Variants in KIRREL3 observed in about 807,000 individuals in gnomAD.
KIRREL3 encodes kin of IRRE-like protein 3.
KIRREL3 carries 36 observed loss-of-function variants against 89.7 expected under a neutral mutation model. The ratio of observed to expected loss-of-function variants is 0.40; its 90% CI spans 0.31 to 0.53. The LOEUF (loss-of-function observed/expected upper bound fraction) is 0.53, where lower values mean the gene tolerates loss of function less well. Among genes scored for constraint, KIRREL3 ranks in the 20% least tolerant of loss-of-function variants. The pLI is 0.49. For missense variants in KIRREL3, 864 were observed against 1,056.6 expected, an observed-to-expected ratio of 0.82 and a Z score of 2.53; for synonymous variants, 445 against 441.4, an observed-to-expected ratio of 1.01 and a Z score of -0.10.
rs1329669232 is a variant in KIRREL3, at chr11:126,574,053, G to T, written c.56-11141C>A. On this transcript the variant is annotated intron_variant, in intron 1 of 16. Coordinates refer to ENST00000525144, the MANE Select transcript of KIRREL3 (RefSeq NM_032531.4). The surrounding 1 kb of genome is among the most constrained non-coding windows in gnomAD (Gnocchi z 5.3). ...AGCCCCTTACAGGCCCCAGACAAGG[G>T]GCTTCATTCTGAGGGACTAGAACAT... Among the ~76,000 whole-genome samples the T allele has an allele frequency of 6.6e-6, 1 of 152,190 alleles. No homozygotes were observed. The highest frequency in any genetic ancestry group is 1.5e-5 in the Non-Finnish European group (1 of 68,026).
At position 126,747,297 on chromosome 11, in the gene KIRREL3, G is replaced by T. The variant is rs1949185305; in HGVS notation, c.56-184385C>A. 4.6e-5 allele frequency among the ~76,000 whole-genome samples: 7 copies of T among 152,212 alleles called. No homozygotes were observed. The highest frequency in any genetic ancestry group is 4.6e-4 in the Admixed American group (7 of 15,290). On this transcript the variant is annotated intron_variant, in intron 1 of 16. Coordinates refer to ENST00000525144, the MANE Select transcript of KIRREL3 (RefSeq NM_032531.4). This position sits in a 1 kb window ranked among gnomAD's most constrained non-coding sequence, Gnocchi z 4.7. ...ATACTTACAAAGGCTGTTGTATGAG[G>T]ATTAAATAAAATACTGGGGATAGAG...
At position 126,473,302 on chromosome 11, in the gene KIRREL3, G is replaced by A; in HGVS notation, c.591+7C>T. ...TCCACACCCACCCCCTCCCCTCCAG[G>A]CCTCACCTTGGAGTAGGTGGCCCCA... On this transcript the variant is annotated splice_region_variant and intron_variant, in intron 5 of 16. Coordinates refer to ENST00000525144, the MANE Select transcript of KIRREL3 (RefSeq NM_032531.4). The A allele has an allele frequency of 8.8e-7, 1 of 1,140,604 alleles. No individual in the cohort carries two copies. The highest frequency in any genetic ancestry group is 1.6e-5 in the South Asian group (1 of 60,976). The allele number at this position is 1,140,604 out of a possible 1,614,324, so 70.7% of individuals were successfully genotyped here. A position where few individuals can be genotyped will look rare whatever the true frequency, so the allele number is the denominator to read the frequency against.
chr11:126,941,504 A>T (rs1948443944), intron 1 of KIRREL3, among the ~76,000 whole-genome samples: 1 of 152,192 alleles, frequency 6.6e-6, no homozygotes. Flanking sequence ...TCACCAGGTG[A>T]TTCTCAGGCA....
At chr11:126,613,865 C>G (rs1362004780) in intron 1 of KIRREL3, among the ~76,000 whole-genome samples, 7 of 101,494 alleles carry the variant, frequency 6.9e-5, no homozygotes, top group African/African-American at 2.5e-4. Flanking sequence ...AATGTTAATA[C>G]TGTTGCTTTT....
At chr11:126,875,992 T>G (rs1016083161) in intron 1 of KIRREL3, among the ~76,000 whole-genome samples, 2 of 152,126 alleles carry the variant, frequency 1.3e-5, no homozygotes, top group Non-Finnish European at 1.5e-5. Flanking sequence ...AAATTGAATC[T>G]CGGGTTCCCT....
intron 1 of KIRREL3, among the ~76,000 whole-genome samples, chr11:126,784,803 G>C (rs989965740): frequency 1.1e-4 from 16 of 152,302 alleles, no homozygotes; most frequent in African/African-American, 3.4e-4. Context: ...ATTTTACTTA[G>C]CGCTTGTCCT....
rs547719356 is a variant in KIRREL3 at position 126,985,016 on chromosome 11, C to A, written c.55+15439G>T. ...TTTAAAGGCAGGATAAGAGTTGATT[C>A]AGGGAGGAAGACCATAATTAATGTG... On this transcript the variant is annotated intron_variant, in intron 1 of 16. Coordinates refer to ENST00000525144, the MANE Select transcript of KIRREL3 (RefSeq NM_032531.4). This position sits in a 1 kb window ranked among gnomAD's most constrained non-coding sequence, Gnocchi z 5.3. 2.0e-5 allele frequency among the ~76,000 whole-genome samples: 3 copies of A among 152,246 alleles called. No individual in the cohort carries two copies. Among genetic ancestry groups the A allele is most frequent in the African/African-American group, 7.2e-5 (3 of 41,528 alleles).
chr11:126,446,972 C>T, intron 8 of KIRREL3, 86 bp from the exon 9 acceptor site: 1 of 1,504,616 alleles, frequency 6.6e-7, no homozygotes, highest in Non-Finnish European at 9.0e-7. Flanking sequence ...TCCCCCTAGA[C>T]CTTGACTGGG....
intron 1 of KIRREL3, among the ~76,000 whole-genome samples, chr11:126,840,295 A>G (rs1264531898): frequency 6.6e-6 from 1 of 152,190 alleles, no homozygotes; most frequent in Non-Finnish European, 1.5e-5. Context: ...CATGAGCATA[A>G]GGATTGGCTC....
At chr11:126,793,377 G>T (rs1008786505) in intron 1 of KIRREL3, among the ~76,000 whole-genome samples, 1 of 152,212 alleles carries the variant, frequency 6.6e-6, no homozygotes, top group African/African-American at 2.4e-5. Context: ...GCTAGGAAGG[G>T]TTACTTTTGT....
rs938093824 is a variant in KIRREL3 at position 126,768,117 on chromosome 11, CATCT to C, written c.56-205209_56-205206del. Among the ~76,000 whole-genome samples the C allele has an allele frequency of 1.3e-5, 2 of 150,136 alleles. No individual in the cohort carries two copies. The highest frequency in any genetic ancestry group is 3.0e-5 in the Non-Finnish European group (2 of 67,590). On this transcript the variant is annotated intron_variant, in intron 1 of 16. Coordinates refer to ENST00000525144, the MANE Select transcript of KIRREL3 (RefSeq NM_032531.4). The surrounding 1 kb of genome is among the most constrained non-coding windows in gnomAD (Gnocchi z 4.5). ...TCATTATTTCATCCATCTGTCCATCCATCTGTCTATCCATCTATCCATCCATCCA... is the reference window on the plus strand; with the variant it reads ...TCATTATTTCATCCATCTGTCCATCCGTCTATCCATCTATCCATCCATCCA...
chr11:126,488,154 A>G (rs1957417060), intron 4 of KIRREL3, among the ~76,000 whole-genome samples: 1 of 152,192 alleles, frequency 6.6e-6, no homozygotes, highest in Non-Finnish European at 1.5e-5. Context: ...TCTGAGACCT[A>G]TTCACCGGGG....
rs559440302 is a variant in KIRREL3 at position 126,607,076 on chromosome 11, G to A, written c.56-44164C>T. On this transcript the variant is annotated intron_variant, in intron 1 of 16. Coordinates refer to ENST00000525144, the MANE Select transcript of KIRREL3 (RefSeq NM_032531.4). This position sits in a 1 kb window ranked among gnomAD's most constrained non-coding sequence, Gnocchi z 6.6. ...CTCTTCCAAGGGGCTCTCTCTGGCA[G>A]CCAAGAACCAACCACAGGGCTTGTC... Among the ~76,000 whole-genome samples the A allele has an allele frequency of 2.6e-5, 4 of 152,198 alleles. No homozygotes were observed. The highest frequency in any genetic ancestry group is 5.9e-5 in the Non-Finnish European group (4 of 68,034).
Position 126,668,705 on chromosome 11 carries a change from C to CTTTCTTTA in KIRREL3, c.56-105794_56-105793insTAAAGAAA, listed in dbSNP as rs1282740136. ...GGGAAGTTTCTGTTTTTCTTTCTTTCTTTCTTTCTTTCTTTCTTTCTTTCT... is the reference window on the plus strand; with the variant it reads ...GGGAAGTTTCTGTTTTTCTTTCTTTCTTTCTTTATTTCTTTCTTTCTTTCTTTCTTTCT... On this transcript the variant is annotated intron_variant, in intron 1 of 16. Coordinates refer to ENST00000525144, the MANE Select transcript of KIRREL3 (RefSeq NM_032531.4). This position sits in a 1 kb window ranked among gnomAD's most constrained non-coding sequence, Gnocchi z 4.4. 1.3e-5 allele frequency among the ~76,000 whole-genome samples: 1 copy of CTTTCTTTA among 74,350 alleles called. No individual in the cohort carries two copies. The highest frequency in any genetic ancestry group is 3.8e-5 in the African/African-American group (1 of 26,382). The allele number at this position is 74,350 out of a possible 152,430, so 48.8% of individuals were successfully genotyped here.
chr11:126,927,860 G>A (rs958296356), intron 1 of KIRREL3, among the ~76,000 whole-genome samples: 4 of 152,234 alleles, frequency 2.6e-5, no homozygotes, highest in African/African-American at 9.6e-5. Context: ...TGTCCAGGCA[G>A]GAGGTCCTGC....
chr11:126,512,573 G>C (rs1000684608), intron 4 of KIRREL3, among the ~76,000 whole-genome samples: 1 of 152,174 alleles, frequency 6.6e-6, no homozygotes, highest in Non-Finnish European at 1.5e-5. Context: ...GCTGCCCCCC[G>C]CATGTTATAG....
At chr11:126,500,238 A>C (rs1280087630) in intron 4 of KIRREL3, among the ~76,000 whole-genome samples, 1 of 152,234 alleles carries the variant, frequency 6.6e-6, no homozygotes, top group African/African-American at 2.4e-5. Flanking sequence ...ATGTGAGGCT[A>C]GCGTGACTGA....
In KIRREL3 at chr11:126,429,000, A is replaced by G. The variant is rs1213514532; in HGVS notation, c.1806+179T>C. Among the ~76,000 whole-genome samples, 1 of 152,174 alleles carries G rather than the reference A, an allele frequency of 6.6e-6. No homozygotes were observed. Among genetic ancestry groups the G allele is most frequent in the East Asian group, 1.9e-4 (1 of 5,202 alleles). ...TGCCAGAACACAAGCACAGTACAGC[A>G]GGCACACACTCACATTTGTTGGCTG... On this transcript the variant is annotated intron_variant, in intron 15 of 16. Coordinates refer to ENST00000525144, the MANE Select transcript of KIRREL3 (RefSeq NM_032531.4). This position sits in a 1 kb window ranked among gnomAD's most constrained non-coding sequence, Gnocchi z 6.4.
At position 126,752,349 on chromosome 11, in the gene KIRREL3, G is replaced by A. The variant is rs930869168; in HGVS notation, c.56-189437C>T. On this transcript the variant is annotated intron_variant, in intron 1 of 16. Transcript: ENST00000525144. The surrounding 1 kb of genome is among the most constrained non-coding windows in gnomAD (Gnocchi z 4.8). Reference sequence around the variant, plus strand: ...TCCTTTCCTGAGAGTTGAAATGATGGCTTTAAAAAATGTCAGGATTAGTTG... The same window carrying A: ...TCCTTTCCTGAGAGTTGAAATGATGACTTTAAAAAATGTCAGGATTAGTTG... 6.6e-6 allele frequency among the ~76,000 whole-genome samples: 1 copy of A among 151,946 alleles called. No individual in the cohort carries two copies. Among genetic ancestry groups the A allele is most frequent in the Non-Finnish European group, 1.5e-5 (1 of 68,018 alleles).
Sources: gnomAD v4.1 joint callset for allele counts (sites outside exome capture counted in the v4.1 genomes callset) on GRCh38, gnomAD v4.1.1 for gene constraint, Gnocchi (gnomAD v3.1) non-coding constraint, MANE v1.5 for transcripts, NCBI Gene and HGNC (gene_info 2026-07-23, HGNC 2026-07-21) for gene names.